Variants in CFAP61 observed in about 807,000 individuals in gnomAD.
CFAP61 encodes cilia- and flagella-associated protein 61.
In CFAP61, 107 loss-of-function variants were observed where a neutral mutation model predicts 135.6. That is an observed-to-expected ratio of 0.79 (90% confidence interval 0.67 to 0.93). CFAP61 has a LOEUF of 0.93. Among genes scored for constraint, CFAP61 ranks in the 40% least tolerant of loss-of-function variants. The pLI is 0.00. For missense variants in CFAP61, 1,507 were observed against 1,556.2 expected (o/e 0.97, Z 0.53); for synonymous variants, 575 against 578.5 (o/e 0.99, Z 0.09).
chr20:20,292,967 C>T (rs747186083), intron 24 of CFAP61, among the ~76,000 whole-genome samples: 9 of 151,746 alleles, frequency 5.9e-5, no homozygotes, highest in Non-Finnish European at 7.4e-5. Context: ...GGTCATATTG[C>T]GGGACGGTGT....
chr20:20,251,792 A>G, intron 20 of CFAP61, 29 bp downstream of exon 20: 1 of 1,609,038 alleles, frequency 6.2e-7, no homozygotes, highest in Non-Finnish European at 8.5e-7. Context: ...GGCGCAAGCC[A>G]CGTGTCTGGA....
intron 25 of CFAP61, among the ~76,000 whole-genome samples, chr20:20,322,025 T>G (rs1480183644): frequency 1.3e-5 from 2 of 152,184 alleles, no homozygotes; most frequent in African/African-American, 4.8e-5. Context: ...ACCACCATGC[T>G]GTGAGGAAGC....
At position 20,111,507 on chromosome 20, in the gene CFAP61, A is replaced by G. The variant is rs374983816; in HGVS notation, c.859+12693A>G. On this transcript the variant is annotated intron_variant, in intron 8 of 26. Transcript: ENST00000245957. ...AGAGGGCTTTGTAAGCATAGGCTCC[A>G]TAAAGTCAACCTTATTTCCTTAAAG... Among the ~76,000 whole-genome samples the G allele has an allele frequency of 5.9e-5, 9 of 152,322 alleles. No homozygotes were observed. In the South Asian group the frequency reaches 1.0e-3, roughly 18 times the overall value.
chr20:20,223,026 T>G (rs905388781), intron 17 of CFAP61, among the ~76,000 whole-genome samples: 2 of 152,206 alleles, frequency 1.3e-5, no homozygotes, highest in African/African-American at 4.8e-5. Flanking sequence ...GAGCTCCCTT[T>G]GAAGTGTTTG....
chr20:20,333,384 A>C (rs1233529532), intron 25 of CFAP61, among the ~76,000 whole-genome samples: 2 of 152,224 alleles, frequency 1.3e-5, no homozygotes, highest in Non-Finnish European at 2.9e-5. Context: ...GCTCCAGATT[A>C]CATAAGCTGA....
intron 17 of CFAP61, among the ~76,000 whole-genome samples, chr20:20,200,304 A>G (rs1469155441): frequency 1.3e-5 from 2 of 152,194 alleles, no homozygotes; most frequent in African/African-American, 4.8e-5. Flanking sequence ...TGACAGAGAA[A>G]ACAGAGCTGG....
intron 15 of CFAP61, 22 bp from the exon 16 acceptor site, chr20:20,196,548 A>G (rs1302077031): frequency 5.1e-6 from 8 of 1,556,816 alleles, no homozygotes; most frequent in South Asian, 1.1e-5. Context: ...TGTAGAAACC[A>G]TCCCTTCTGT....
At chr20:20,328,710 A>C (rs1299661689) in intron 25 of CFAP61, among the ~76,000 whole-genome samples, 2 of 152,242 alleles carry the variant, frequency 1.3e-5, no homozygotes, top group African/African-American at 4.8e-5. Flanking sequence ...ACCCAATTAA[A>C]AGTGGGCCAA....
intron 13 of CFAP61, among the ~76,000 whole-genome samples, chr20:20,169,918 G>A (rs2054104327): frequency 1.3e-5 from 2 of 152,172 alleles, no homozygotes; most frequent in African/African-American, 4.8e-5. Flanking sequence ...TAGATTCTCA[G>A]GTGATTAAAG....
chr20:20,350,438 G>T (rs891342644), intron 26 of CFAP61, among the ~76,000 whole-genome samples: 2 of 152,204 alleles, frequency 1.3e-5, no homozygotes, highest in African/African-American at 4.8e-5. Context: ...AGACCAGCCT[G>T]GCCAACGTGG....
chr20:20,063,119 C>T (rs1369170013), intron 2 of CFAP61, among the ~76,000 whole-genome samples: 2 of 152,200 alleles, frequency 1.3e-5, no homozygotes, highest in Admixed American at 6.5e-5. Flanking sequence ...ATAAAATGGT[C>T]GGCACAAGTG....
Position 20,251,521 on chromosome 20 carries a change from C to T in CFAP61, c.2160-74C>T, listed in dbSNP as rs965050603. 49 of 1,463,928 alleles carry T rather than the reference C, an allele frequency of 3.3e-5. No individual in the cohort carries two copies. In the African/African-American group the frequency reaches 6.6e-4, roughly 20 times the overall value. The allele number at this position is 1,463,928 out of a possible 1,614,324, so 90.7% of individuals were successfully genotyped here. ...ACTCAGCCCACTAGGGGACTTGAACCAGCTCACCAGATGTCTAATTAATGC... is the reference window on the plus strand; with the variant it reads ...ACTCAGCCCACTAGGGGACTTGAACTAGCTCACCAGATGTCTAATTAATGC... On this transcript the variant is annotated intron_variant, in intron 19 of 26. Coordinates refer to ENST00000245957, the MANE Select transcript of CFAP61 (RefSeq NM_015585.4).
intron 13 of CFAP61, among the ~76,000 whole-genome samples, chr20:20,180,973 T>C (rs961128761): frequency 2.6e-5 from 4 of 151,174 alleles, no homozygotes; most frequent in Admixed American, 2.0e-4. Flanking sequence ...CATGGACACA[T>C]AGAGGGGAAA....
At chr20:20,340,614 G>A (rs2058406192) in intron 25 of CFAP61, among the ~76,000 whole-genome samples, 1 of 152,112 alleles carries the variant, frequency 6.6e-6, no homozygotes, top group South Asian at 2.1e-4. Context: ...AGAGCACCTG[G>A]GCTGTTGGAA....
intron 13 of CFAP61, among the ~76,000 whole-genome samples, chr20:20,179,389 A>G (rs1011693319): frequency 6.6e-6 from 1 of 152,250 alleles, no homozygotes; most frequent in African/African-American, 2.4e-5. Flanking sequence ...GAGATGACCC[A>G]GACAAATGAA....
At chr20:20,305,606 C>G (rs2056425583) in intron 25 of CFAP61, among the ~76,000 whole-genome samples, 1 of 152,234 alleles carries the variant, frequency 6.6e-6, no homozygotes, top group African/African-American at 2.4e-5. Flanking sequence ...CGGCCGTGTG[C>G]CAGGCCACTG....
chr20:20,064,629 A>G (rs2045099106), intron 2 of CFAP61, among the ~76,000 whole-genome samples: 1 of 152,196 alleles, frequency 6.6e-6, no homozygotes, highest in Non-Finnish European at 1.5e-5. Context: ...TTATAAATTT[A>G]TAGATTGTTT....
At chr20:20,084,855 G>A (rs1397689131) in intron 6 of CFAP61, among the ~76,000 whole-genome samples, 1 of 152,146 alleles carries the variant, frequency 6.6e-6, no homozygotes, top group African/African-American at 2.4e-5. Context: ...TTTCCTTAAG[G>A]TGTGTGTTCA....
chr20:20,136,104 C>T (rs1175306578), intron 8 of CFAP61, among the ~76,000 whole-genome samples: 5 of 152,022 alleles, frequency 3.3e-5, no homozygotes, highest in African/African-American at 4.8e-5. Flanking sequence ...TGCTGCCAGA[C>T]GTATTGGAGC....
Sources: gnomAD v4.1 joint callset for allele counts (sites outside exome capture counted in the v4.1 genomes callset) on GRCh38, gnomAD v4.1.1 for gene constraint, MANE v1.5 for transcripts, NCBI Gene and HGNC (gene_info 2026-07-23, HGNC 2026-07-21) for gene names.